The following TBXAS1 variants were observed in gnomAD, a reference collection of about 807,000 sequenced individuals.
The protein encoded by TBXAS1 is thromboxane A synthase 1, also known as thromboxane-A synthase.
Under a neutral mutation model 60.7 loss-of-function variants are expected in TBXAS1, and 48 were observed. That is an observed-to-expected ratio of 0.79 (90% confidence interval 0.63 to 1.01). TBXAS1 has a LOEUF of 1.01. Among genes scored for constraint, TBXAS1 ranks in the 50% least tolerant of loss-of-function variants. The pLI is 0.00. For missense variants in TBXAS1, 685 were observed against 686.3 expected, an observed-to-expected ratio of 1.00 and a Z score of 0.02; for synonymous variants, 287 against 269.7, an observed-to-expected ratio of 1.06 and a Z score of -0.63.
At chr7:140,012,047 G>A (rs993758252) in intron 10 of TBXAS1, among the ~76,000 whole-genome samples, 2 of 152,342 alleles carry the variant, frequency 1.3e-5, no homozygotes, top group Non-Finnish European at 1.5e-5. Context: ...TTCCAGGCAC[G>A]TGGGAGTGGT....
intron 4 of TBXAS1, among the ~76,000 whole-genome samples, chr7:139,817,876 C>A (rs1798191090): frequency 6.6e-6 from 1 of 152,190 alleles, no homozygotes; most frequent in Middle Eastern, 3.2e-3. Context: ...TAATTTATGT[C>A]AAGTGTTCTT....
intron 3 of TBXAS1, among the ~76,000 whole-genome samples, chr7:139,890,340 C>G (rs574316198): frequency 6.6e-6 from 1 of 151,284 alleles, no homozygotes; most frequent in Non-Finnish European, 1.5e-5. Flanking sequence ...CTCAGCCTCC[C>G]GAGTAGCTGG....
chr7:139,980,701 G>A (rs1584997973), intron 9 of TBXAS1, among the ~76,000 whole-genome samples: 1 of 151,534 alleles, frequency 6.6e-6, no homozygotes, highest in East Asian at 2.0e-4. Flanking sequence ...TAAACAAAGA[G>A]TCCCTCTTAC....
chr7:139,979,470 TA>T (rs1376304129), intron 9 of TBXAS1, among the ~76,000 whole-genome samples: 2 of 152,196 alleles, frequency 1.3e-5, no homozygotes, highest in Non-Finnish European at 2.9e-5. Context: ...CTCACACCTG[TA>T]ATCCCAGCAC....
At chr7:139,951,992 AAGAAAGAAAGAAAG>A (rs1324143917) in intron 5 of TBXAS1, among the ~76,000 whole-genome samples, 1 of 149,284 alleles carries the variant, frequency 6.7e-6, no homozygotes, top group African/African-American at 2.4e-5. Context: ...GAAAGAAAGA[AAGAAAGAAAGAAAG>A]AAAGAAAAAG....
At chr7:139,952,627 C>T in intron 5 of TBXAS1, 1 of 1,537,246 alleles carries the variant, frequency 6.5e-7, no homozygotes, top group African/African-American at 1.4e-5. Context: ...ATTCCACCCA[C>T]CCGTTTGTCG....
intron 4 of TBXAS1, among the ~76,000 whole-genome samples, chr7:139,823,315 A>G (rs1353231231): frequency 1.3e-5 from 2 of 151,844 alleles, no homozygotes; most frequent in Admixed American, 1.3e-4. Flanking sequence ...TGGGGCTTAT[A>G]CACTGGGATT....
chr7:139,791,787 T>C (rs1797389517), intron 4 of TBXAS1, among the ~76,000 whole-genome samples: 1 of 148,904 alleles, frequency 6.7e-6, no homozygotes, highest in South Asian at 2.1e-4. Flanking sequence ...ACTTTTTCTT[T>C]ACATATCTTT....
At chr7:139,849,732 G>A (rs1277323211) in intron 1 of TBXAS1, among the ~76,000 whole-genome samples, 2 of 152,228 alleles carry the variant, frequency 1.3e-5, no homozygotes, top group East Asian at 3.9e-4. Flanking sequence ...CCCTGGAAAA[G>A]CAGGACTTAG....
rs563726492 is a variant in TBXAS1 at position 139,839,984 on chromosome 7, C to CAAA, written c.89+10521_89+10523dup. 3.1e-3 allele frequency among the ~76,000 whole-genome samples: 338 copies of CAAA among 109,232 alleles called. 6 individuals are homozygous for CAAA. Among genetic ancestry groups the CAAA allele is most frequent in the Middle Eastern group, 0.019 (4 of 206 alleles). 71.7% of individuals were successfully genotyped at this position (109,232 alleles called of 152,430 possible). ...GGGCAACAAGAGTGAAACTCTGTCT[C>CAAA]AAAAAAAAAAAAAAAAAAGAGATTT... On this transcript the variant is annotated intron_variant, in intron 1 of 12. Coordinates refer to ENST00000448866, the MANE Select transcript of TBXAS1 (RefSeq NM_001061.7).
At chr7:139,859,382 A>AT (rs1300030074) in intron 1 of TBXAS1, among the ~76,000 whole-genome samples, 2 of 149,194 alleles carry the variant, frequency 1.3e-5, no homozygotes, top group Admixed American at 1.3e-4. Flanking sequence ...AATTTTTTGT[A>AT]TTTTTAGTAG....
intron 4 of TBXAS1, among the ~76,000 whole-genome samples, chr7:139,799,546 G>C (rs1235656651): frequency 6.6e-6 from 1 of 152,010 alleles, no homozygotes; most frequent in Non-Finnish European, 1.5e-5. Context: ...TGTAGAGATG[G>C]GTTTTTGTCA....
intron 4 of TBXAS1, among the ~76,000 whole-genome samples, chr7:139,790,324 A>G (rs1220301526): frequency 2.6e-5 from 4 of 152,236 alleles, no homozygotes; most frequent in Non-Finnish European, 4.4e-5. Context: ...GGCTATTACT[A>G]CTAAATGCAT....
At chr7:139,820,354 A>T (rs1057494604) in intron 4 of TBXAS1, among the ~76,000 whole-genome samples, 1 of 152,144 alleles carries the variant, frequency 6.6e-6, no homozygotes, top group East Asian at 1.9e-4. Context: ...CTGAAATGAG[A>T]AGGAGATAGG....
intron 2 of TBXAS1, among the ~76,000 whole-genome samples, chr7:139,781,150 A>G (rs918719109): frequency 1.3e-5 from 2 of 152,238 alleles, no homozygotes; most frequent in Admixed American, 6.5e-5. Flanking sequence ...AGCTGTATCC[A>G]TGAGATGCAA....
At chr7:139,790,970 T>C (rs1465095215) in intron 4 of TBXAS1, among the ~76,000 whole-genome samples, 1 of 152,140 alleles carries the variant, frequency 6.6e-6, no homozygotes, top group African/African-American at 2.4e-5. Flanking sequence ...ACCCAGCTAA[T>C]TTTTGTATGT....
intron 10 of TBXAS1, among the ~76,000 whole-genome samples, chr7:140,008,729 G>A (rs113654676): frequency 0.087 from 13,281 of 152,246 alleles, 981 homozygotes; most frequent in African/African-American, 0.21. Context: ...GATTACAGGC[G>A]TGAGCCACCA....
chr7:139,879,808 AG>A (rs1802542863), intron 3 of TBXAS1, among the ~76,000 whole-genome samples: 1 of 151,116 alleles, frequency 6.6e-6, no homozygotes. Context: ...CGCCATTCAA[AG>A]CTCCTTTTCC....
upstream of TBXAS1, among the ~76,000 whole-genome samples, chr7:139,825,860 G>T (rs548020200): frequency 6.6e-6 from 1 of 152,170 alleles, no homozygotes; most frequent in Non-Finnish European, 1.5e-5. Context: ...GGCCTTTGTG[G>T]TAAAATACAC....
Sources: allele counts gnomAD v4.1 joint callset (sites outside exome capture counted in the v4.1 genomes callset), GRCh38; gene constraint gnomAD v4.1.1; transcripts MANE v1.5; gene names NCBI Gene and HGNC (gene_info 2026-07-23, HGNC 2026-07-21).